Variants in IL1RAPL2 observed in about 807,000 individuals in gnomAD.
IL1RAPL2 encodes interleukin 1 receptor accessory protein like 2.
IL1RAPL2 carries 3 observed loss-of-function variants against 44.1 expected under a neutral mutation model. The ratio of observed to expected loss-of-function variants is 0.07; its 90% confidence interval spans 0.03 to 0.18. The LOEUF (loss-of-function observed/expected upper bound fraction) is 0.18, where lower values mean the gene tolerates loss of function less well. IL1RAPL2 is among the 10% of genes least tolerant of loss of function. The pLI is 1.00. For synonymous variants in IL1RAPL2, 181 were observed against 178.8 expected (o/e 1.01, Z -0.10); for missense variants, 391 against 496.4 (o/e 0.79, Z 2.02).
At chrX:105,600,559 ATAAT>A (rs2037243611) in intron 6 of IL1RAPL2, among the ~76,000 whole-genome samples, 1 of 108,388 alleles carries the variant, frequency 9.2e-6, no homozygotes, top group Non-Finnish European at 1.9e-5. Flanking sequence ...TGAAATAATT[ATAAT>A]TAATCATTTT....
chrX:104,636,928 C>T (rs1159225027), intron 1 of IL1RAPL2, among the ~76,000 whole-genome samples: 5 of 111,543 alleles, frequency 4.5e-5, no homozygotes, highest in South Asian at 3.8e-4. Context: ...CCCTCTTCTG[C>T]GTCGCTCACT....
At chrX:104,724,642 T>C (rs1196560596) in intron 2 of IL1RAPL2, among the ~76,000 whole-genome samples, 4 of 111,098 alleles carry the variant, frequency 3.6e-5, no homozygotes, top group South Asian at 3.8e-4. Flanking sequence ...AAATGGATAA[T>C]GTTAAAAACC....
At chrX:105,341,447 G>C (rs1453868224) in intron 5 of IL1RAPL2, among the ~76,000 whole-genome samples, 1 of 109,832 alleles carries the variant, frequency 9.1e-6, no homozygotes, top group African/African-American at 3.3e-5. Context: ...GATATTTCCA[G>C]TGAGAAAAAA....
At chrX:104,887,865 C>G (rs935033838) in intron 2 of IL1RAPL2, among the ~76,000 whole-genome samples, 1 of 111,811 alleles carries the variant, frequency 8.9e-6, no homozygotes, top group African/African-American at 3.3e-5. Context: ...TGTAACCATA[C>G]TTGAAAATAA....
chrX:105,072,429 G>A (rs752146780), intron 2 of IL1RAPL2, among the ~76,000 whole-genome samples: 5 of 111,280 alleles, frequency 4.5e-5, no homozygotes, highest in Non-Finnish European at 9.4e-5. Flanking sequence ...AGCGACTTTG[G>A]AACTGGGTGA....
Position 105,359,995 on chromosome X carries a change from A to C in IL1RAPL2, c.697+92454A>C, listed in dbSNP as rs751647015. Reference sequence around the variant, plus strand: ...TGACATTAGAACCCAGGTCTCTCTGACTCCTAAAGTCCATGATTTTAAGCA... The same window carrying C: ...TGACATTAGAACCCAGGTCTCTCTGCCTCCTAAAGTCCATGATTTTAAGCA... On this transcript the variant is annotated intron_variant, in intron 5 of 10. Coordinates refer to ENST00000372582, the MANE Select transcript of IL1RAPL2 (RefSeq NM_017416.2). Among the ~76,000 whole-genome samples the C allele has an allele frequency of 4.8e-4, 53 of 110,848 alleles. No individual in the cohort carries two copies. In the South Asian group the frequency reaches 6.6e-3, roughly 14 times the overall value.
intron 1 of IL1RAPL2, among the ~76,000 whole-genome samples, chrX:104,609,918 A>C (rs1214918963): frequency 9.0e-6 from 1 of 111,350 alleles, no homozygotes; most frequent in Non-Finnish European, 1.9e-5. Flanking sequence ...GATCCTTTGG[A>C]GGAGAAGAGG....
chrX:104,849,367 TGG>T (rs1244219629), intron 2 of IL1RAPL2, among the ~76,000 whole-genome samples: 1,167 of 92,259 alleles, frequency 0.013, 6 homozygotes, highest in Non-Finnish European at 0.017. Context: ...TATATATATA[TGG>T]ATTACTTACG....
At chrX:105,594,231 G>T (rs1380897044) in intron 6 of IL1RAPL2, among the ~76,000 whole-genome samples, 4 of 111,498 alleles carry the variant, frequency 3.6e-5, no homozygotes, top group Admixed American at 9.6e-5. Flanking sequence ...AGATTTCTGT[G>T]ATTTCCTACC....
chrX:104,665,955 G>T (rs1356543462), intron 2 of IL1RAPL2, among the ~76,000 whole-genome samples: 1 of 111,439 alleles, frequency 9.0e-6, no homozygotes, highest in African/African-American at 3.3e-5. Context: ...TTTAAATTTT[G>T]AAATGATACT....
intron 6 of IL1RAPL2, among the ~76,000 whole-genome samples, chrX:105,654,807 G>A (rs2037666628): frequency 9.0e-6 from 1 of 111,605 alleles, no homozygotes; most frequent in Non-Finnish European, 1.9e-5. Flanking sequence ...CACCACTATG[G>A]CTTTCAGATA....
chrX:104,821,797 C>G (rs937610950), intron 2 of IL1RAPL2, among the ~76,000 whole-genome samples: 1 of 111,857 alleles, frequency 8.9e-6, no homozygotes, highest in Non-Finnish European at 1.9e-5. Flanking sequence ...ATTTCTAGTT[C>G]TAGATCCTTG....
chrX:104,686,218 C>T (rs1429426213), intron 2 of IL1RAPL2, among the ~76,000 whole-genome samples: 1 of 111,338 alleles, frequency 9.0e-6, no homozygotes, highest in Non-Finnish European at 1.9e-5. Flanking sequence ...TCTTATTTCA[C>T]TTTTCCACTT....
intron 2 of IL1RAPL2, among the ~76,000 whole-genome samples, chrX:105,049,775 T>C (rs915216738): frequency 9.9e-5 from 11 of 111,482 alleles, no homozygotes; most frequent in African/African-American, 3.6e-4. Context: ...GAAATGTCAA[T>C]ACTCACACAT....
At chrX:105,121,872 T>C (rs1421912810) in intron 2 of IL1RAPL2, among the ~76,000 whole-genome samples, 2 of 111,503 alleles carry the variant, frequency 1.8e-5, no homozygotes, top group Non-Finnish European at 3.8e-5. Flanking sequence ...ATTGATTTCA[T>C]TTATTTTACT....
intron 2 of IL1RAPL2, among the ~76,000 whole-genome samples, chrX:105,076,022 T>C (rs1412298611): frequency 9.0e-6 from 1 of 111,507 alleles, no homozygotes; most frequent in Non-Finnish European, 1.9e-5. Flanking sequence ...TTTTGAAGGG[T>C]TTTTTGTGTC....
At chrX:104,945,370 C>T (rs1395147174) in intron 2 of IL1RAPL2, among the ~76,000 whole-genome samples, 2 of 110,881 alleles carry the variant, frequency 1.8e-5, no homozygotes, top group African/African-American at 6.5e-5. Flanking sequence ...TTAGTAAAGT[C>T]TCTACACCAT....
At chrX:105,387,479 C>T (rs1247682272) in intron 5 of IL1RAPL2, among the ~76,000 whole-genome samples, 3 of 110,046 alleles carry the variant, frequency 2.7e-5, no homozygotes, top group African/African-American at 6.6e-5. Flanking sequence ...GTGATCCACC[C>T]GCCTCGGCCT....
chrX:104,724,358 A>C (rs1255757363), intron 2 of IL1RAPL2, among the ~76,000 whole-genome samples: 2 of 111,359 alleles, frequency 1.8e-5, no homozygotes, highest in Non-Finnish European at 3.8e-5. Flanking sequence ...AGATATACCT[A>C]ATGTTAAATG....
Sources: allele counts gnomAD v4.1 joint callset (sites outside exome capture counted in the v4.1 genomes callset), GRCh38; gene constraint gnomAD v4.1.1; transcripts MANE v1.5; gene names NCBI Gene and HGNC (gene_info 2026-07-23, HGNC 2026-07-21).